PDK4: variants seen among roughly 807,000 people sequenced by gnomAD.
PDK4 encodes the protein pyruvate dehydrogenase kinase, isozyme 4.
Under a neutral mutation model 51.7 loss-of-function variants are expected in PDK4, and 43 were observed. The observed-to-expected ratio is 0.83, with a 90% CI of 0.65 to 1.07. PDK4 has a LOEUF of 1.07. PDK4 is among the 50% of genes least tolerant of loss of function. The probability of loss-of-function intolerance (pLI) is 0.00; values close to 1 mark genes in which losing one functional copy is unlikely to be tolerated. For synonymous variants in PDK4, 170 were observed against 176.6 expected (o/e 0.96, Z 0.30); for missense variants, 498 against 503.5 (o/e 0.99, Z 0.10).
chr7:95,586,971 T>C (rs1422109921), intron 10 of PDK4, 39 bp downstream of exon 10: 1 of 1,175,138 alleles, frequency 8.5e-7, no homozygotes, highest in African/African-American at 1.5e-5. Context: ...GGAGCAATGG[T>C]TTTAGAAACA....
At chr7:95,588,838 A>T (rs1343321971) in intron 7 of PDK4, among the ~76,000 whole-genome samples, 1 of 152,234 alleles carries the variant, frequency 6.6e-6, no homozygotes, top group Non-Finnish European at 1.5e-5. Flanking sequence ...TTTGATTCTT[A>T]GCACCTGGCT....
intron 3 of PDK4, 28 bp from the exon 4 acceptor site, chr7:95,592,972 A>C: frequency 6.7e-7 from 1 of 1,485,576 alleles, no homozygotes; most frequent in Non-Finnish European, 9.1e-7. Flanking sequence ...TGGTTAGTAA[A>C]AGTTCAAATA....
intron 2 of PDK4, among the ~76,000 whole-genome samples, chr7:95,594,507 T>A (rs532583380): frequency 5.2e-4 from 79 of 152,222 alleles, no homozygotes; most frequent in African/African-American, 1.9e-3. Flanking sequence ...TTTAATCTCT[T>A]TAATAACAGA....
Position 95,583,590 on chromosome 7 carries a change from T to A in PDK4, c.*2051A>T, listed in dbSNP as rs6931. On this transcript the variant is annotated 3_prime_UTR_variant, in exon 11 of 11. Transcript: ENST00000005178. ...AAAAACACAATGTATACATTAATAA[T>A]TTAAGTGGGCCTGAGTATTCAGTAT... The A allele has an allele frequency of 0.42, 63,248 of 152,200 alleles. 13,587 individuals are homozygous for A. The highest frequency in any genetic ancestry group is 0.83 in the East Asian group (4,286 of 5,164). 9.4% of individuals were successfully genotyped at this position (152,200 alleles called of 1,614,324 possible).
rs1278543308 is a variant in PDK4, at chr7:95,585,787, AG to A, written c.1096-7del. The A allele has an allele frequency of 3.2e-6, 5 of 1,577,864 alleles. No individual in the cohort carries two copies. The African/African-American group carries it at 6.7e-5, about 21-fold the overall frequency. ...ATAGACTCAGAAGACAAAGCCTAAA[AG>A]AAAAGGGGGGAAAAACATGAGACCA... On this transcript the variant is annotated splice_polypyrimidine_tract_variant and splice_region_variant and intron_variant, in intron 10 of 10. Coordinates refer to ENST00000005178, the MANE Select transcript of PDK4 (RefSeq NM_002612.4).
Position 95,596,402 on chromosome 7 carries a change from A to T in PDK4, c.-109T>A. 7.8e-7 allele frequency: 1 copy of T among 1,276,820 alleles called. No homozygotes were observed. The highest frequency in any genetic ancestry group is 1.6e-5 in the South Asian group (1 of 61,638). 79.1% of individuals were successfully genotyped at this position (1,276,820 alleles called of 1,614,324 possible). A position where few individuals can be genotyped will look rare whatever the true frequency, so the allele number is the denominator to read the frequency against. On this transcript the variant is annotated 5_prime_UTR_variant, in exon 1 of 11. Transcript: ENST00000005178. ...CGCGGCGCGTCCGGGCGAGGACTGCAGGTGCGCTGGCTGGCTTGTGCGCCC... is the reference window on the plus strand; with the variant it reads ...CGCGGCGCGTCCGGGCGAGGACTGCTGGTGCGCTGGCTGGCTTGTGCGCCC...
chr7:95,592,646 T>C, intron 4 of PDK4, 49 bp from the exon 5 acceptor site: 2 of 1,415,092 alleles, frequency 1.4e-6, no homozygotes, highest in South Asian at 2.3e-5. Flanking sequence ...TTCAGGATAA[T>C]GATTAGTACT....
At chr7:95,596,039 A>T in intron 1 of PDK4, 125 bp downstream of exon 1, 1 of 1,080,730 alleles carries the variant, frequency 9.3e-7, no homozygotes, top group South Asian at 1.8e-5. Context: ...TCGAGGCTCC[A>T]GGGCTCAGCA....
At chr7:95,586,842 T>A (rs937977224) in intron 10 of PDK4, 168 bp downstream of exon 10, 1 of 490,646 alleles carries the variant, frequency 2.0e-6, no homozygotes, top group Admixed American at 3.4e-5. Flanking sequence ...TGGTAAGTTA[T>A]CATATTAAAT....
At position 95,584,108 on chromosome 7, in the gene PDK4, T is replaced by C. The variant is rs1212529533; in HGVS notation, c.*1533A>G. 1 of 152,188 alleles carries C rather than the reference T, an allele frequency of 6.6e-6. No homozygotes were observed. The highest frequency in any genetic ancestry group is 1.5e-5 in the Non-Finnish European group (1 of 68,018). 9.4% of individuals were successfully genotyped at this position (152,188 alleles called of 1,614,324 possible). A position where few individuals can be genotyped will look rare whatever the true frequency, so the allele number is the denominator to read the frequency against. On this transcript the variant is annotated 3_prime_UTR_variant, in exon 11 of 11. Coordinates refer to ENST00000005178, the MANE Select transcript of PDK4 (RefSeq NM_002612.4). Reference sequence around the variant, plus strand: ...ACAATGCAGAAAAATCCTCCTTTTTTTCTATATGCCAGTTTAAATGTTAAT... The same window carrying C: ...ACAATGCAGAAAAATCCTCCTTTTTCTCTATATGCCAGTTTAAATGTTAAT...
rs1041234378 is a variant in PDK4, at chr7:95,596,249, G to A, written c.45C>T (p.Asn15=). ...CCTCTCGGGGCACCAGGCCGGCGCC[G>A]TTGAGCGAGCCAGCGCTGCGCAGCA... ...RFVLRSAGSL[N]GAGLVPREVE... is the part of the protein sequence containing the mutation. Residue 15 remains asparagine, a synonymous_variant, in exon 1 of 11, where the codon AAC becomes AAT. Transcript: ENST00000005178. 8 of 1,595,202 alleles carry A rather than the reference G, an allele frequency of 5.0e-6. No individual in the cohort carries two copies. Among genetic ancestry groups the A allele is most frequent in the African/African-American group, 1.4e-5 (1 of 73,712 alleles).
chr7:95,588,129 G>C (rs987583181), intron 7 of PDK4, among the ~76,000 whole-genome samples: 1 of 152,070 alleles, frequency 6.6e-6, no homozygotes, highest in African/African-American at 2.4e-5. Context: ...GGTTTTTATA[G>C]TCCATTTCCT....
chr7:95,587,014 A>G lies in PDK4; in HGVS notation c.1091T>C (p.Leu364Ser). ...SGYGTDAIIYLKALSSESIEK... is the reference protein window; with the variant it reads ...SGYGTDAIIYSKALSSESIEK... ...GCTATTGAATTCAAGGGATACCTTT[A>G]AGTAGATGATAGCATCTGTTCCATA... Residue 364 changes from leucine (L) to serine (S), a missense_variant, in exon 10 of 11, where the codon TTA (leucine) becomes TCA (serine). By Grantham distance (145) the Leu-to-Ser change is moderately radical. Transcript: ENST00000005178. 1.3e-6 allele frequency: 2 copies of G among 1,522,202 alleles called. No individual in the cohort carries two copies. The highest frequency in any genetic ancestry group is 1.1e-5 in the South Asian group (1 of 88,788). 94.3% of individuals were successfully genotyped at this position (1,522,202 alleles called of 1,614,324 possible). A position where few individuals can be genotyped will look rare whatever the true frequency, so the allele number is the denominator to read the frequency against.
chr7:95,592,657 A>G (rs887111174), intron 4 of PDK4, 60 bp from the exon 5 acceptor site: 12 of 1,383,942 alleles, frequency 8.7e-6, no homozygotes, highest in African/African-American at 2.8e-5. Flanking sequence ...GATTAGTACT[A>G]TCACTGAGAA....
rs535363379 is a variant in PDK4, at chr7:95,596,438, T to C, written c.-145A>G. 199 of 895,114 alleles carry C rather than the reference T, an allele frequency of 2.2e-4. No individual in the cohort carries two copies. Among genetic ancestry groups the C allele is most frequent in the Non-Finnish European group, 2.9e-4 (187 of 635,272 alleles). The allele number at this position is 895,114 out of a possible 1,614,324, so 55.4% of individuals were successfully genotyped here. On this transcript the variant is annotated 5_prime_UTR_variant, in exon 1 of 11. Coordinates refer to ENST00000005178, the MANE Select transcript of PDK4 (RefSeq NM_002612.4). ...CTGGCTTGTGCGCCCCGGCCTGGGC[T>C]GGGGTTTGAGGGTGCCGCGGAGTGA...
rs1791457696 is a variant in PDK4, at chr7:95,584,731, C to T, written c.*910G>A. 6.6e-6 allele frequency: 1 copy of T among 152,308 alleles called. No individual in the cohort carries two copies. The highest frequency in any genetic ancestry group is 6.5e-5 in the Admixed American group (1 of 15,282). The allele number at this position is 152,308 out of a possible 1,614,324, so 9.4% of individuals were successfully genotyped here. A position where few individuals can be genotyped will look rare whatever the true frequency, so the allele number is the denominator to read the frequency against. On this transcript the variant is annotated 3_prime_UTR_variant, in exon 11 of 11. Transcript: ENST00000005178. ...TCAGGGTAGAGAAAAGCCCTTCCTA[C>T]TGAATTAGGCTCTGAACATGTGATT...
intron 7 of PDK4, 79 bp from the exon 8 acceptor site, chr7:95,587,904 TA>T: frequency 1.1e-6 from 1 of 905,574 alleles, no homozygotes; most frequent in South Asian, 1.5e-5. Context: ...ATGTTTAAAA[TA>T]AAAGTAGCAC....
intron 1 of PDK4, 139 bp from the exon 2 acceptor site, chr7:95,595,303 T>C: frequency 3.7e-6 from 2 of 542,340 alleles, no homozygotes; most frequent in East Asian, 6.1e-5. Context: ...TGTTAATCGA[T>C]AATTCAGGGG....
rs1180547992 is a variant in PDK4 at position 95,585,701 on chromosome 7, A to G, written c.1176T>C (p.Ala392=). 1 of 1,612,018 alleles carries G rather than the reference A, an allele frequency of 6.2e-7. No individual in the cohort carries two copies. The highest frequency in any genetic ancestry group is 1.7e-5 in the Admixed American group (1 of 59,996). The change falls in exon 11 of 11, where the codon GCT becomes GCC. Residue 392 remains alanine, a synonymous_variant. Coordinates refer to ENST00000005178, the MANE Select transcript of PDK4 (RefSeq NM_002612.4). ...AFKHYQMSSE[A]DDWCIPSREP... is the part of the protein sequence containing the mutation. The stretch of plus-strand genomic sequence containing the variant: ...CCCTGCTTGGGATACACCAGTCATC[A>G]GCCTCAGAGCTCATCTGATAATGTT...
Sources: allele counts gnomAD v4.1 joint callset (sites outside exome capture counted in the v4.1 genomes callset), GRCh38; gene constraint gnomAD v4.1.1; transcripts MANE v1.5; gene names NCBI Gene and HGNC (gene_info 2026-07-23, HGNC 2026-07-21).